ZNF782: variants seen among roughly 807,000 people sequenced by gnomAD.
ZNF782 encodes zinc finger protein 782.
In ZNF782, 12 loss-of-function variants were observed where a neutral mutation model predicts 13.0. The ratio of observed to expected loss-of-function variants is 0.92; its 90% CI spans 0.59 to 1.50. The LOEUF (loss-of-function observed/expected upper bound fraction) is 1.50. Among genes scored for constraint, ZNF782 ranks in the 40% most tolerant of loss-of-function variants. The pLI is 0.00. For missense variants in ZNF782, 770 were observed against 822.9 expected (o/e 0.94, Z 0.79); for synonymous variants, 284 against 283.0 (o/e 1.00, Z -0.04).
rs1253001366 is a variant in ZNF782, at chr9:96,824,829, C to T, written c.244+2251G>A. On this transcript the variant is annotated intron_variant, in intron 5 of 5. Transcript: ENST00000481138. ...AACTGCTTCAAAGAGAATAAAATAC[C>T]TAGGAATCCAACTTACAAGGGATGT... is the stretch of plus-strand genomic sequence containing the variant. Among the ~76,000 whole-genome samples the T allele has an allele frequency of 4.6e-3, 686 of 148,798 alleles. 5 individuals are homozygous for T. The highest frequency in any genetic ancestry group is 0.016 in the African/African-American group (647 of 40,276).
chr9:96,925,376 G>A, the ZNF782 span, among the ~76,000 whole-genome samples: 2 of 152,086 alleles, frequency 1.3e-5, no homozygotes, highest in African/African-American at 4.8e-5. Context: ...GGTGGCTCAC[G>A]CCTGTAATCC....
At chr9:96,913,751 G>C in the ZNF782 span, among the ~76,000 whole-genome samples, 1 of 151,652 alleles carries the variant, frequency 6.6e-6, no homozygotes, top group East Asian at 1.9e-4. Context: ...TGTCAGACTC[G>C]CAACCTCAGG....
intron 3 of ZNF782, among the ~76,000 whole-genome samples, chr9:96,846,555 G>C (rs1851344559): frequency 6.6e-6 from 1 of 151,948 alleles, no homozygotes; most frequent in Admixed American, 6.6e-5. Context: ...TCTTATATCA[G>C]ACAAAACGGA....
At chr9:96,872,471 C>A (rs1054522782) in intron 1 of ZNF782, among the ~76,000 whole-genome samples, 1 of 151,172 alleles carries the variant, frequency 6.6e-6, no homozygotes, top group South Asian at 2.1e-4. Context: ...GCGGAGGTTG[C>A]AGTGAGCCAA....
intron 1 of ZNF782, among the ~76,000 whole-genome samples, chr9:96,865,738 C>T (rs1164653029): frequency 6.6e-6 from 1 of 152,170 alleles, no homozygotes; most frequent in Non-Finnish European, 1.5e-5. Flanking sequence ...TCTCTAGAGA[C>T]TTCTTTAACG....
rs1850329844 is a variant in ZNF782 at position 96,819,472 on chromosome 9, T to C, written c.551A>G (p.Glu184Gly). 6.2e-7 allele frequency: 1 copy of C among 1,614,026 alleles called. No homozygotes were observed. Among genetic ancestry groups the C allele is most frequent in the Non-Finnish European group, 8.5e-7 (1 of 1,180,012 alleles). The change falls in exon 6 of 6, where the codon GAG (glutamate) becomes GGG (glycine). Residue 184 changes from glutamate to glycine, a missense_variant. Transcript: ENST00000481138. The stretch of plus-strand genomic sequence containing the variant: ...AATTTTACTATAAGCGAAAGATTTC[T>C]CTTGAGTGTTAGTTCTGCCATCCTT... ...SIKDGRTNTQ[E>G]KSFAYSKIVK...
chr9:96,843,453 T>C (rs1341787157), intron 4 of ZNF782, among the ~76,000 whole-genome samples: 1 of 152,170 alleles, frequency 6.6e-6, no homozygotes, highest in Non-Finnish European at 1.5e-5. Flanking sequence ...TCCACTTATA[T>C]AACAGTCTCA....
intron 3 of ZNF782, 98 bp from the exon 4 acceptor site, chr9:96,845,114 A>G: frequency 1.5e-5 from 22 of 1,463,582 alleles, no homozygotes; most frequent in Non-Finnish European, 2.0e-5. Flanking sequence ...TGAGAATTTA[A>G]AACAAAATGC....
At chr9:96,876,277 A>C (rs551903527), upstream of ZNF782, among the ~76,000 whole-genome samples, 2 of 152,274 alleles carry the variant, frequency 1.3e-5, no homozygotes, top group Admixed American at 1.3e-4. Context: ...TTATAAAGAC[A>C]TGCACAGGGA....
At chr9:96,865,987 T>C (rs1851749641) in intron 1 of ZNF782, among the ~76,000 whole-genome samples, 1 of 152,144 alleles carries the variant, frequency 6.6e-6, no homozygotes, top group Non-Finnish European at 1.5e-5. Flanking sequence ...GTGTCTTGGG[T>C]GTTGCTAAAG....
At position 96,817,858 on chromosome 9, in the gene ZNF782, C is replaced by A. The variant is rs1044359072; in HGVS notation, c.*65G>T. 1.4e-6 allele frequency: 2 copies of A among 1,396,214 alleles called. No individual in the cohort carries two copies. Among genetic ancestry groups the A allele is most frequent in the Non-Finnish European group, 1.9e-6 (2 of 1,030,700 alleles). 86.5% of individuals were successfully genotyped at this position (1,396,214 alleles called of 1,614,324 possible). ...TGTTAACAGTTCTCTCCTGTGTGTTCATTTATGTATTGTGAGGTTTGATTT... is the reference window on the plus strand; with the variant it reads ...TGTTAACAGTTCTCTCCTGTGTGTTAATTTATGTATTGTGAGGTTTGATTT... On this transcript the variant is annotated 3_prime_UTR_variant, in exon 6 of 6. Transcript: ENST00000481138.
the ZNF782 span, among the ~76,000 whole-genome samples, chr9:96,901,554 G>C: frequency 6.6e-6 from 1 of 151,916 alleles, no homozygotes; most frequent in Non-Finnish European, 1.5e-5. Context: ...TTACAGACGT[G>C]AGCCGCTGCG....
chr9:96,824,399 A>C (rs1215259974), intron 5 of ZNF782, among the ~76,000 whole-genome samples: 1 of 148,236 alleles, frequency 6.7e-6, no homozygotes, highest in Non-Finnish European at 1.5e-5. Flanking sequence ...TTGATGGGAC[A>C]TATCTCAAAA....
At chr9:96,835,468 G>C (rs956615191) in intron 4 of ZNF782, among the ~76,000 whole-genome samples, 1 of 152,190 alleles carries the variant, frequency 6.6e-6, no homozygotes, top group African/African-American at 2.4e-5. Flanking sequence ...TCTTCAAGTT[G>C]CTTCTCCCAT....
the ZNF782 span, among the ~76,000 whole-genome samples, chr9:96,896,963 A>C: frequency 6.6e-6 from 1 of 152,134 alleles, no homozygotes; most frequent in Admixed American, 6.5e-5. Context: ...CTTAGTGGAG[A>C]CTGCTCAAGC....
chr9:96,842,801 C>T (rs1050337442), intron 4 of ZNF782, among the ~76,000 whole-genome samples: 1 of 152,028 alleles, frequency 6.6e-6, no homozygotes, highest in African/African-American at 2.4e-5. Context: ...AACCACACAT[C>T]TGACAAAGAA....
chr9:96,919,720 C>T, the ZNF782 span, among the ~76,000 whole-genome samples: 11 of 150,110 alleles, frequency 7.3e-5, no homozygotes, highest in South Asian at 1.9e-3. Context: ...TGTACCACTA[C>T]GCCCAGCTAA....
chr9:96,833,905 A>C (rs1850894336), intron 4 of ZNF782, among the ~76,000 whole-genome samples: 1 of 152,086 alleles, frequency 6.6e-6, no homozygotes, highest in South Asian at 2.1e-4. Flanking sequence ...TTATTACTCA[A>C]ACTGTTGCAA....
chr9:96,901,840 T>C, the ZNF782 span, among the ~76,000 whole-genome samples: 1 of 142,168 alleles, frequency 7.0e-6, no homozygotes, highest in Non-Finnish European at 1.5e-5. Context: ...GATCGCGCCA[T>C]TGCACCCCAG....
Sources: gnomAD v4.1 joint callset for allele counts (sites outside exome capture counted in the v4.1 genomes callset) on GRCh38, gnomAD v4.1.1 for gene constraint, MANE v1.5 for transcripts, NCBI Gene and HGNC (gene_info 2026-07-23, HGNC 2026-07-21) for gene names.